The following DPP10 variants were observed in gnomAD, a reference collection of about 807,000 sequenced individuals.
DPP10 encodes the protein inactive dipeptidyl peptidase 10.
A neutral mutation model predicts 120.9 loss-of-function variants in DPP10; 33 were observed. That is an observed-to-expected ratio of 0.27 (90% CI 0.21 to 0.37). DPP10 has a LOEUF of 0.37. DPP10 is among the 10% of genes least tolerant of loss of function. DPP10 has a pLI of 1.00. For synonymous variants in DPP10, 337 were observed against 326.1 expected (o/e 1.03, Z -0.36); for missense variants, 816 against 942.8 (o/e 0.87, Z 1.76).
intron 19 of DPP10, among the ~76,000 whole-genome samples, chr2:115,792,441 T>G (rs1684088449): frequency 6.6e-6 from 1 of 152,104 alleles, no homozygotes; most frequent in Non-Finnish European, 1.5e-5. Context: ...AACCACATAA[T>G]ACAGAAATAA....
chr2:115,494,222 A>G (rs540375509), intron 3 of DPP10, among the ~76,000 whole-genome samples: 2 of 152,264 alleles, frequency 1.3e-5, no homozygotes, highest in Non-Finnish European at 2.9e-5. Flanking sequence ...GATTACAAGC[A>G]TGAGCCACCG....
At chr2:115,543,660 C>G (rs943725214) in intron 5 of DPP10, among the ~76,000 whole-genome samples, 2 of 151,764 alleles carry the variant, frequency 1.3e-5, no homozygotes, top group African/African-American at 4.8e-5. Flanking sequence ...CCTCACATGC[C>G]TAGAATATAG....
rs527447030 is a variant in DPP10 at position 115,653,158 on chromosome 2, G to C, written c.442-36529G>C. Among the ~76,000 whole-genome samples, 437 of 151,876 alleles carry C rather than the reference G, an allele frequency of 2.9e-3. 1 individual carries two copies. The highest frequency in any genetic ancestry group is 0.01 in the African/African-American group (418 of 41,444). On this transcript the variant is annotated intron_variant, in intron 5 of 25. Transcript: ENST00000410059. ...ATACAAAATTTAAAATATTGTGACA[G>C]GTAATTGAAAAGACAAAGTATAAGA...
intron 1 of DPP10, among the ~76,000 whole-genome samples, chr2:115,231,517 G>A (rs1280326101): frequency 6.6e-6 from 1 of 152,054 alleles, no homozygotes; most frequent in Non-Finnish European, 1.5e-5. Context: ...AGTCATCTTA[G>A]TCCAAGTACC....
intron 1 of DPP10, among the ~76,000 whole-genome samples, chr2:114,859,084 T>G (rs916003570): frequency 5.9e-5 from 9 of 151,834 alleles, no homozygotes; most frequent in Admixed American, 3.3e-4. Context: ...CTCAGCACTT[T>G]GGGAGACTAA....
intron 1 of DPP10, among the ~76,000 whole-genome samples, chr2:114,538,023 C>T (rs1247490510): frequency 6.6e-6 from 1 of 152,204 alleles, no homozygotes; most frequent in Non-Finnish European, 1.5e-5. Flanking sequence ...TTCATTGATA[C>T]CTTGACTATC....
intron 21 of DPP10, among the ~76,000 whole-genome samples, chr2:115,821,197 C>A (rs1342904095): frequency 6.6e-6 from 1 of 152,128 alleles, no homozygotes; most frequent in African/African-American, 2.4e-5. Context: ...CAGGAAGGTG[C>A]ATTAAAGTAT....
chr2:114,534,838 C>T (rs1000836722), intron 1 of DPP10, among the ~76,000 whole-genome samples: 1 of 152,052 alleles, frequency 6.6e-6, no homozygotes, highest in Non-Finnish European at 1.5e-5. Context: ...ATATCTGTTA[C>T]TTTGACCTCT....
At chr2:115,617,897 A>G (rs1226494409) in intron 5 of DPP10, among the ~76,000 whole-genome samples, 2 of 152,192 alleles carry the variant, frequency 1.3e-5, no homozygotes, top group East Asian at 3.8e-4. Context: ...AAATAGAACT[A>G]TTGTAACAAT....
At chr2:115,320,287 A>T (rs2061996650) in intron 2 of DPP10, among the ~76,000 whole-genome samples, 1 of 152,166 alleles carries the variant, frequency 6.6e-6, no homozygotes, top group African/African-American at 2.4e-5. Flanking sequence ...AGTGAATTTT[A>T]AAAATCCATT....
chr2:114,916,856 A>G (rs541125521), intron 1 of DPP10, among the ~76,000 whole-genome samples: 27 of 152,342 alleles, frequency 1.8e-4, no homozygotes, highest in African/African-American at 5.8e-4. Context: ...ACCCACAGCT[A>G]AAACCATACT....
intron 1 of DPP10, among the ~76,000 whole-genome samples, chr2:114,698,228 T>C (rs1238475888): frequency 1.3e-5 from 2 of 151,966 alleles, no homozygotes; most frequent in African/African-American, 2.4e-5. Context: ...TGCTCTTGGC[T>C]CTCTCTGAGG....
chr2:114,740,837 CATTT>C (rs1181915857), intron 1 of DPP10, among the ~76,000 whole-genome samples: 4 of 152,100 alleles, frequency 2.6e-5, no homozygotes. Context: ...ATTTGGGGTC[CATTT>C]TCTTCATGGG....
At chr2:114,673,658 G>T (rs891042027) in intron 1 of DPP10, among the ~76,000 whole-genome samples, 1 of 152,060 alleles carries the variant, frequency 6.6e-6, no homozygotes, top group Non-Finnish European at 1.5e-5. Context: ...GTTTCACCAT[G>T]TTGGCCAGGC....
At chr2:114,958,121 A>G (rs1261447611) in intron 1 of DPP10, among the ~76,000 whole-genome samples, 5 of 152,154 alleles carry the variant, frequency 3.3e-5, no homozygotes, top group Admixed American at 3.3e-4. Context: ...GAACAAATTT[A>G]TAGACAAAAA....
chr2:114,742,094 TA>T (rs779474453), intron 1 of DPP10, among the ~76,000 whole-genome samples: 1 of 152,186 alleles, frequency 6.6e-6, no homozygotes, highest in Non-Finnish European at 1.5e-5. Context: ...GAGAAAATTT[TA>T]ACATTTTTAC....
intron 1 of DPP10, among the ~76,000 whole-genome samples, chr2:114,503,577 AG>A (rs1382098928): frequency 1.3e-5 from 2 of 152,192 alleles, no homozygotes; most frequent in Non-Finnish European, 2.9e-5. Flanking sequence ...TTGAGAAAAG[AG>A]GTTATCCTGA....
At chr2:114,893,152 A>T (rs1337110259) in intron 1 of DPP10, among the ~76,000 whole-genome samples, 2 of 152,212 alleles carry the variant, frequency 1.3e-5, no homozygotes, top group Non-Finnish European at 2.9e-5. Context: ...GGAAAATTAC[A>T]ATTTCCCAAA....
At chr2:114,915,650 T>A (rs1293910851) in intron 1 of DPP10, among the ~76,000 whole-genome samples, 2 of 152,110 alleles carry the variant, frequency 1.3e-5, no homozygotes, top group Non-Finnish European at 2.9e-5. Context: ...CACTATTGGA[T>A]CAGAGTGCAA....
Sources: gnomAD v4.1 joint callset for allele counts (sites outside exome capture counted in the v4.1 genomes callset) on GRCh38, gnomAD v4.1.1 for gene constraint, MANE v1.5 for transcripts, NCBI Gene and HGNC (gene_info 2026-07-23, HGNC 2026-07-21) for gene names.